Variants in ATRNL1 observed in about 807,000 individuals in gnomAD.
The protein encoded by ATRNL1 is attractin-like protein 1.
In ATRNL1, 95 loss-of-function variants were observed where a neutral mutation model predicts 182.7. The ratio of observed to expected loss-of-function variants is 0.52; its 90% confidence interval spans 0.44 to 0.62. ATRNL1 has a LOEUF of 0.62. Ranked by LOEUF, ATRNL1 falls within the 20% of genes least tolerant of loss-of-function variation. ATRNL1 has a pLI of 0.00. For missense variants in ATRNL1, 1,471 were observed against 1,679.5 expected (o/e 0.88, Z 2.17); for synonymous variants, 576 against 568.3 (o/e 1.01, Z -0.19).
chr10:115,649,181 G>A (rs782114074), intron 26 of ATRNL1, among the ~76,000 whole-genome samples: 2 of 151,996 alleles, frequency 1.3e-5, no homozygotes, highest in African/African-American at 2.4e-5. Context: ...TAAGAAATAC[G>A]TTATCATTTT....
chr10:115,819,103 AC>A (rs1311117530), intron 27 of ATRNL1, among the ~76,000 whole-genome samples: 1 of 151,616 alleles, frequency 6.6e-6, no homozygotes, highest in Non-Finnish European at 1.5e-5. Context: ...CTCTCTTTTT[AC>A]CCCACCTGTT....
intron 5 of ATRNL1, among the ~76,000 whole-genome samples, chr10:115,153,772 G>T (rs1236529002): frequency 7.2e-5 from 11 of 152,030 alleles, no homozygotes; most frequent in South Asian, 4.1e-4. Context: ...TTTTGAATGT[G>T]TTTGCTCTTG....
intron 26 of ATRNL1, among the ~76,000 whole-genome samples, chr10:115,551,921 G>C (rs1853014922): frequency 6.6e-6 from 1 of 151,360 alleles, no homozygotes; most frequent in South Asian, 2.1e-4. Flanking sequence ...CAGAGAGAGA[G>C]AGACCACATT....
At chr10:115,626,204 G>A (rs981890323) in intron 26 of ATRNL1, among the ~76,000 whole-genome samples, 31 of 152,020 alleles carry the variant, frequency 2.0e-4, no homozygotes, top group Admixed American at 2.0e-3. Context: ...TAAAAACAAT[G>A]GCATACATAA....
chr10:115,536,850 A>T (rs1230895100), intron 25 of ATRNL1, among the ~76,000 whole-genome samples: 1 of 152,250 alleles, frequency 6.6e-6, no homozygotes, highest in Non-Finnish European at 1.5e-5. Context: ...AAAAAAGGTG[A>T]ACCTAATTTA....
Position 115,828,322 on chromosome 10 carries a change from A to AAAAAG in ATRNL1, c.3904-19531_3904-19527dup, listed in dbSNP as rs375599574. The stretch of plus-strand genomic sequence containing the variant: ...ACAAGAGCAAAACTCCGTCTCAAAA[A>AAAAAG]AAAAGAAAAGAAAAGAAAAGAAAAG... On this transcript the variant is annotated intron_variant, in intron 27 of 28. Transcript: ENST00000355044. 6.0e-3 allele frequency among the ~76,000 whole-genome samples: 913 copies of AAAAAG among 151,938 alleles called. 7 individuals are homozygous for AAAAAG. Among genetic ancestry groups the AAAAAG allele is most frequent in the African/African-American group, 0.02 (826 of 41,280 alleles).
intron 27 of ATRNL1, among the ~76,000 whole-genome samples, chr10:115,777,753 T>C (rs1949163174): frequency 6.6e-6 from 1 of 152,122 alleles, no homozygotes. Flanking sequence ...CACAAAAGGC[T>C]TTCAGTGTGG....
At chr10:115,567,823 A>G (rs1015733270) in intron 26 of ATRNL1, among the ~76,000 whole-genome samples, 3 of 152,138 alleles carry the variant, frequency 2.0e-5, no homozygotes, top group Non-Finnish European at 4.4e-5. Flanking sequence ...TACATTCTCC[A>G]AAAAATCTTG....
chr10:115,638,239 A>G (rs1005146899), intron 26 of ATRNL1, among the ~76,000 whole-genome samples: 2 of 152,188 alleles, frequency 1.3e-5, no homozygotes, highest in African/African-American at 4.8e-5. Flanking sequence ...TAGTATTACA[A>G]TTGCCTACAG....
chr10:115,650,947 ACT>A (rs1222965143), intron 26 of ATRNL1, among the ~76,000 whole-genome samples: 3 of 152,170 alleles, frequency 2.0e-5, no homozygotes, highest in African/African-American at 7.2e-5. Flanking sequence ...CTAATTTATA[ACT>A]CTGAATATAT....
chr10:115,783,374 T>C (rs568537028), intron 27 of ATRNL1, among the ~76,000 whole-genome samples: 1 of 151,954 alleles, frequency 6.6e-6, no homozygotes, highest in Admixed American at 6.6e-5. Context: ...ATAAAAAGAG[T>C]TCAGATTTGG....
At chr10:115,719,882 A>G (rs1593119566) in intron 26 of ATRNL1, among the ~76,000 whole-genome samples, 3 of 122,460 alleles carry the variant, frequency 2.4e-5, no homozygotes, top group African/African-American at 9.1e-5. Context: ...TTTTTTTGAG[A>G]TGGAGTCTTG....
chr10:115,485,878 C>T (rs892827301), intron 24 of ATRNL1, among the ~76,000 whole-genome samples: 29 of 151,846 alleles, frequency 1.9e-4, no homozygotes, highest in African/African-American at 7.0e-4. Flanking sequence ...TTTCTCGTAA[C>T]GCTATCCCTA....
chr10:115,472,000 T>G (rs1848331068), intron 24 of ATRNL1, among the ~76,000 whole-genome samples: 1 of 151,080 alleles, frequency 6.6e-6, no homozygotes, highest in Admixed American at 6.6e-5. Context: ...TTTACATCTT[T>G]AATCCATTTT....
chr10:115,337,165 T>C (rs1457532791), intron 19 of ATRNL1, among the ~76,000 whole-genome samples: 3 of 152,048 alleles, frequency 2.0e-5, no homozygotes, highest in Non-Finnish European at 4.4e-5. Flanking sequence ...CTGGGCATTT[T>C]TTAAAGTTTT....
chr10:115,447,868 C>A (rs1847083692), intron 21 of ATRNL1, among the ~76,000 whole-genome samples: 1 of 151,980 alleles, frequency 6.6e-6, no homozygotes, highest in Admixed American at 6.6e-5. Flanking sequence ...TCATGGTATA[C>A]AATAATTTTC....
chr10:115,263,242 A>G (rs1007376750), intron 10 of ATRNL1, among the ~76,000 whole-genome samples: 3 of 151,906 alleles, frequency 2.0e-5, no homozygotes, highest in Non-Finnish European at 4.4e-5. Flanking sequence ...TCCAATAAGC[A>G]CATGAAAAGA....
chr10:115,576,641 T>G (rs573185987), intron 26 of ATRNL1, among the ~76,000 whole-genome samples: 1 of 152,054 alleles, frequency 6.6e-6, no homozygotes, highest in Non-Finnish European at 1.5e-5. Flanking sequence ...ATGAACCCCT[T>G]ACACGTACAT....
chr10:115,731,703 T>G (rs1401244218), intron 27 of ATRNL1, among the ~76,000 whole-genome samples: 1 of 151,078 alleles, frequency 6.6e-6, no homozygotes, highest in Non-Finnish European at 1.5e-5. Context: ...TTTTGGTATA[T>G]ATACAGTTAT....
Sources: gnomAD v4.1 joint callset for allele counts (sites outside exome capture counted in the v4.1 genomes callset) on GRCh38, gnomAD v4.1.1 for gene constraint, MANE v1.5 for transcripts, NCBI Gene and HGNC (gene_info 2026-07-23, HGNC 2026-07-21) for gene names.